PIGU: variants seen among roughly 807,000 people sequenced by gnomAD.
The protein encoded by PIGU is phosphatidylinositol glycan anchor biosynthesis class U.
In PIGU, 24 loss-of-function variants were observed where a neutral mutation model predicts 49.9. The observed-to-expected ratio is 0.48, with a 90% CI of 0.35 to 0.68. PIGU has a LOEUF of 0.68. Ranked by LOEUF, PIGU falls within the 30% of genes least tolerant of loss-of-function variation. The probability of loss-of-function intolerance (pLI) is 0.01; values close to 1 mark genes in which losing one functional copy is unlikely to be tolerated. For synonymous variants in PIGU, 220 were observed against 205.7 expected (o/e 1.07, Z -0.59); for missense variants, 490 against 532.6 (o/e 0.92, Z 0.79).
intron 5 of PIGU, among the ~76,000 whole-genome samples, chr20:34,636,855 G>A (rs1050548060): frequency 6.6e-6 from 1 of 152,126 alleles, no homozygotes; most frequent in Admixed American, 6.6e-5. Flanking sequence ...ATTGCTGGCG[G>A]TTTTTTTCAG....
intron 1 of PIGU, among the ~76,000 whole-genome samples, chr20:34,671,325 G>A (rs1421534000): frequency 5.3e-5 from 8 of 151,800 alleles, no homozygotes; most frequent in East Asian, 3.9e-4. Context: ...GCAATGGCGC[G>A]ATCTCGGCTC....
intron 2 of PIGU, among the ~76,000 whole-genome samples, chr20:34,648,494 T>C (rs1027301470): frequency 9.8e-5 from 15 of 152,334 alleles, no homozygotes; most frequent in Middle Eastern, 3.4e-3. Flanking sequence ...CAGTTTTTTC[T>C]GTCATTTTAC....
rs1986260278 is a variant in PIGU, at chr20:34,644,240, G to C, written c.256-14C>G. On this transcript the variant is annotated splice_polypyrimidine_tract_variant and intron_variant, in intron 3 of 11. Coordinates refer to ENST00000217446, the MANE Select transcript of PIGU (RefSeq NM_080476.5). ...TGCATCAGTTATCTGTCAAAAGAAA[G>C]AGAAATAATAGGAAATGGAACACAG... The C allele has an allele frequency of 6.3e-7, 1 of 1,592,980 alleles. No homozygotes were observed. Among genetic ancestry groups the C allele is most frequent in the African/African-American group, 1.3e-5 (1 of 74,456 alleles).
chr20:34,638,075 GC>G, intron 4 of PIGU, 90 bp from the exon 5 acceptor site: 1 of 1,457,298 alleles, frequency 6.9e-7, no homozygotes, highest in Non-Finnish European at 9.0e-7. Flanking sequence ...CCTTTCCATG[GC>G]CCACATGGCC....
intron 11 of PIGU, among the ~76,000 whole-genome samples, chr20:34,564,480 A>G (rs1261566381): frequency 3.9e-5 from 6 of 152,248 alleles, no homozygotes; most frequent in Non-Finnish European, 8.8e-5. Flanking sequence ...TGGGCAACAG[A>G]GCAAAACTCC....
chr20:34,607,773 GCA>G (rs1984671186), intron 7 of PIGU, among the ~76,000 whole-genome samples: 1 of 152,184 alleles, frequency 6.6e-6, no homozygotes, highest in Non-Finnish European at 1.5e-5. Flanking sequence ...CTGTGGGACT[GCA>G]CAGAGTTGTG....
chr20:34,583,437 G>A (rs1201618190), intron 9 of PIGU, among the ~76,000 whole-genome samples: 2 of 152,226 alleles, frequency 1.3e-5, no homozygotes, highest in Non-Finnish European at 2.9e-5. Flanking sequence ...GGGGGCAGGA[G>A]AGCTTAGGTA....
chr20:34,576,994 C>T (rs1360343521), intron 10 of PIGU, among the ~76,000 whole-genome samples: 11 of 152,142 alleles, frequency 7.2e-5, no homozygotes, highest in Non-Finnish European at 4.4e-5. Flanking sequence ...GGGATTACAA[C>T]GTGGACATCT....
chr20:34,675,248 C>CAAAAA (rs71196751), intron 1 of PIGU, among the ~76,000 whole-genome samples: 1 of 70,370 alleles, frequency 1.4e-5, no homozygotes. Flanking sequence ...AACTCCATCT[C>CAAAAA]AAAAAAAAAA....
intron 10 of PIGU, among the ~76,000 whole-genome samples, chr20:34,580,509 C>T (rs1983412915): frequency 6.6e-6 from 1 of 152,228 alleles, no homozygotes; most frequent in African/African-American, 2.4e-5. Context: ...AAAACAACAA[C>T]AAAGATTCAC....
intron 1 of PIGU, 35 bp downstream of exon 1, chr20:34,676,921 G>T: frequency 6.4e-7 from 1 of 1,556,586 alleles, no homozygotes; most frequent in East Asian, 2.4e-5. Flanking sequence ...GAGGGCAGGT[G>T]GGGCCTGACA....
chr20:34,602,359 G>T lies in PIGU; in HGVS notation c.627+13683C>A, dbSNP rs577014846. 8.6e-5 allele frequency among the ~76,000 whole-genome samples: 13 copies of T among 151,966 alleles called. No homozygotes were observed. The South Asian group carries it at 2.3e-3, about 27-fold the overall frequency. On this transcript the variant is annotated intron_variant, in intron 7 of 11. Transcript: ENST00000217446. ...CATCTGTAATCCTAGCACTTTGGGAGGCCGAGGTGGGCGGATGACTTGAGG... is the reference window on the plus strand; with the variant it reads ...CATCTGTAATCCTAGCACTTTGGGATGCCGAGGTGGGCGGATGACTTGAGG...
At position 34,642,639 on chromosome 20, in the gene PIGU, C is replaced by CATATATATATCTCATATATATATATAT; in HGVS notation, c.318+1498_318+1524dup. ...CTCAGCTATTCATATCTATATCACA[C>CATATATATATCTCATATATATATATAT]ATATATATATCTCATATATATATAT... On this transcript the variant is annotated intron_variant, in intron 4 of 11. Transcript: ENST00000217446. Among the ~76,000 whole-genome samples, 3 of 129,856 alleles carry CATATATATATCTCATATATATATATAT rather than the reference C, an allele frequency of 2.3e-5. No homozygotes were observed. In the South Asian group the frequency reaches 7.0e-4, roughly 30 times the overall value. The allele number at this position is 129,856 out of a possible 152,430, so 85.2% of individuals were successfully genotyped here.
chr20:34,632,260 A>G (rs1205851226), intron 6 of PIGU, among the ~76,000 whole-genome samples: 1 of 152,198 alleles, frequency 6.6e-6, no homozygotes. Flanking sequence ...TCTAAAGGAA[A>G]AGTTATTCGA....
rs140688826 is a variant in PIGU at position 34,581,597 on chromosome 20, G to A, written c.1002C>T (p.Asp334=). The A allele has an allele frequency of 1.3e-4, 204 of 1,613,858 alleles. 1 individual carries two copies. The Middle Eastern group carries it at 2.3e-3, about 18-fold the overall frequency. ...AIFKSYPTVG[D]VALYMAFFPV... ...GGAAGAAGGCCATGTAGAGCGCCAC[G>A]TCCCCCACTGTCGGGTAGGACTTAA... The change falls in exon 10 of 12, where the codon GAC becomes GAT. Residue 334 remains aspartate, a synonymous_variant. Coordinates refer to ENST00000217446, the MANE Select transcript of PIGU (RefSeq NM_080476.5).
At chr20:34,565,962 C>T (rs1038513055) in intron 11 of PIGU, among the ~76,000 whole-genome samples, 2 of 152,012 alleles carry the variant, frequency 1.3e-5, no homozygotes, top group East Asian at 3.9e-4. Context: ...GGTACACATA[C>T]ACGCACACAG....
At chr20:34,622,527 A>G (rs376388779) in intron 6 of PIGU, among the ~76,000 whole-genome samples, 2 of 151,248 alleles carry the variant, frequency 1.3e-5, no homozygotes, top group Admixed American at 6.6e-5. Context: ...AAAAAAAACA[A>G]AAACAAAAAA....
At chr20:34,617,761 T>C (rs543284350) in intron 6 of PIGU, among the ~76,000 whole-genome samples, 1 of 151,784 alleles carries the variant, frequency 6.6e-6, no homozygotes, top group East Asian at 1.9e-4. Flanking sequence ...TGAGGCAGAA[T>C]GATATGGTTT....
At chr20:34,648,693 T>C (rs1986434564) in intron 2 of PIGU, among the ~76,000 whole-genome samples, 1 of 152,024 alleles carries the variant, frequency 6.6e-6, no homozygotes, top group Non-Finnish European at 1.5e-5. Context: ...AGACTACAGA[T>C]GTGCGCCACC....
Sources: allele counts gnomAD v4.1 joint callset (sites outside exome capture counted in the v4.1 genomes callset), GRCh38; gene constraint gnomAD v4.1.1; transcripts MANE v1.5; gene names NCBI Gene and HGNC (gene_info 2026-07-23, HGNC 2026-07-21).